MED12L: variants seen among roughly 807,000 people sequenced by gnomAD.
MED12L encodes mediator complex subunit 12L, also known as mediator of RNA polymerase II transcription subunit 12-like protein.
Under a neutral mutation model 281.3 loss-of-function variants are expected in MED12L, and 60 were observed. The observed-to-expected ratio is 0.21, with a 90% confidence interval of 0.17 to 0.26. MED12L has a LOEUF of 0.26. Ranked by LOEUF, MED12L falls within the 10% of genes least tolerant of loss-of-function variation. The pLI is 1.00. For synonymous variants in MED12L, 974 were observed against 987.2 expected (o/e 0.99, Z 0.25); for missense variants, 2,146 against 2,680.9 (o/e 0.80, Z 4.41).
At chr3:151,357,162 T>G in intron 19 of MED12L, 51 bp from the exon 20 acceptor site, 1 of 1,415,648 alleles carries the variant, frequency 7.1e-7, no homozygotes, top group Non-Finnish European at 9.6e-7. Flanking sequence ...AAATGTTTTC[T>G]CTATTTGTTT....
Position 151,199,024 on chromosome 3 carries a change from C to A in MED12L, c.2250+5358C>A, listed in dbSNP as rs767820026. On this transcript the variant is annotated intron_variant, in intron 16 of 44. Transcript: ENST00000687756. ...ATCCGGGTTCTTGTATTCGGTAGAT[C>A]TTGCAGCTGTGTGTCAGCTGAAGAC... 4 of 1,614,022 alleles carry A rather than the reference C, an allele frequency of 2.5e-6. No individual in the cohort carries two copies. In the South Asian group the frequency reaches 3.3e-5, roughly 13 times the overall value.
At chr3:151,131,836 C>T (rs1715443077) in intron 5 of MED12L, among the ~76,000 whole-genome samples, 1 of 151,930 alleles carries the variant, frequency 6.6e-6, no homozygotes, top group Non-Finnish European at 1.5e-5. Context: ...ATCACTATGG[C>T]TGGTTGGACT....
At chr3:151,309,182 A>T (rs1401020680) in intron 16 of MED12L, among the ~76,000 whole-genome samples, 1 of 150,358 alleles carries the variant, frequency 6.7e-6, no homozygotes, top group African/African-American at 2.5e-5. Context: ...AGTAATTCAT[A>T]CTTCAGTGAA....
At chr3:151,424,662 G>A (rs988102800) in intron 43 of MED12L, among the ~76,000 whole-genome samples, 1 of 152,016 alleles carries the variant, frequency 6.6e-6, no homozygotes, top group Non-Finnish European at 1.5e-5. Context: ...CTCTATGCAA[G>A]TTACTAGTTA....
chr3:151,166,678 C>CT (rs796405326), intron 11 of MED12L, among the ~76,000 whole-genome samples: 4,201 of 141,974 alleles, frequency 0.03, 91 homozygotes, highest in Middle Eastern at 0.052. Flanking sequence ...GGACCTCAGT[C>CT]TTTTTTTTTT....
chr3:151,120,302 A>G (rs1275766125), intron 3 of MED12L, among the ~76,000 whole-genome samples: 1 of 152,008 alleles, frequency 6.6e-6, no homozygotes, highest in Non-Finnish European at 1.5e-5. Context: ...GGAGTACACA[A>G]CTCTATAAAC....
intron 16 of MED12L, among the ~76,000 whole-genome samples, chr3:151,256,000 T>C (rs985745997): frequency 1.3e-5 from 2 of 152,364 alleles, no homozygotes; most frequent in East Asian, 1.9e-4. Flanking sequence ...TGGTAGGGTC[T>C]CTTTTTACTA....
chr3:151,147,807 C>T (rs1210140642), intron 5 of MED12L, among the ~76,000 whole-genome samples: 1 of 152,174 alleles, frequency 6.6e-6, no homozygotes, highest in East Asian at 1.9e-4. Context: ...AATGAACATC[C>T]TGCTATGAAC....
intron 16 of MED12L, among the ~76,000 whole-genome samples, chr3:151,257,856 T>G (rs1167771743): frequency 6.6e-6 from 1 of 152,222 alleles, no homozygotes; most frequent in Non-Finnish European, 1.5e-5. Context: ...CAAATTTTTA[T>G]ATTCCAAGTT....
At chr3:151,325,921 T>G (rs1345559141) in intron 16 of MED12L, among the ~76,000 whole-genome samples, 2 of 152,220 alleles carry the variant, frequency 1.3e-5, no homozygotes, top group African/African-American at 2.4e-5. Flanking sequence ...AGAGGTAATA[T>G]GGATTTAGTG....
chr3:151,416,184 C>T (rs917124343), intron 42 of MED12L, 128 bp from the exon 43 acceptor site: 1 of 1,516,556 alleles, frequency 6.6e-7, no homozygotes, highest in African/African-American at 1.4e-5. Context: ...GGTAGAGATG[C>T]AGCAGGCAGG....
intron 16 of MED12L, chr3:151,294,414 T>C (rs1455779091): frequency 6.2e-7 from 1 of 1,613,970 alleles, no homozygotes; most frequent in Admixed American, 1.7e-5. Flanking sequence ...TCTAAGTGAC[T>C]AAAAGTAAAA....
At chr3:151,390,981 C>A (rs1577540850) in intron 38 of MED12L, among the ~76,000 whole-genome samples, 1 of 152,098 alleles carries the variant, frequency 6.6e-6, no homozygotes, top group Admixed American at 6.5e-5. Context: ...TTGGCCAAAT[C>A]TTAATTTCTC....
chr3:151,275,879 A>G (rs766489438), intron 16 of MED12L, among the ~76,000 whole-genome samples: 5 of 152,090 alleles, frequency 3.3e-5, no homozygotes, highest in Non-Finnish European at 7.4e-5. Context: ...GACTTTTAGG[A>G]GGCAATGCAT....
In MED12L at chr3:151,430,358, G is replaced by T; in HGVS notation, c.6468G>T (p.Arg2156=). 1 of 1,614,126 alleles carries T rather than the reference G, an allele frequency of 6.2e-7. No homozygotes were observed. Among genetic ancestry groups the T allele is most frequent in the Non-Finnish European group, 8.5e-7 (1 of 1,179,994 alleles). Residue 2156 remains arginine (R), a synonymous_variant, in exon 44 of 45, where the codon CGG becomes CGT. Transcript: ENST00000687756. ...AGCAGCAGACGGCCGCCTTGGTGCGGCAGCTCCAGAAGCAGCTTTCCAGTA... is the reference window on the plus strand; with the variant it reads ...AGCAGCAGACGGCCGCCTTGGTGCGTCAGCTCCAGAAGCAGCTTTCCAGTA... ...QQQQQTAALV[R]QLQKQLSSNQ...
chr3:151,168,090 G>T (rs9836053), intron 11 of MED12L, among the ~76,000 whole-genome samples: 15,271 of 151,854 alleles, frequency 0.1, 982 homozygotes, highest in Middle Eastern at 0.17. Flanking sequence ...GCACTCTCAA[G>T]AAAAAAATAG....
intron 16 of MED12L, among the ~76,000 whole-genome samples, chr3:151,322,922 C>G (rs1300942720): frequency 1.3e-5 from 2 of 148,156 alleles, no homozygotes; most frequent in South Asian, 2.1e-4. Context: ...ATTTTTGGAG[C>G]CTGGGTCCAT....
chr3:151,386,154 C>T (rs1484265928), intron 36 of MED12L, among the ~76,000 whole-genome samples: 1 of 152,056 alleles, frequency 6.6e-6, no homozygotes, highest in Non-Finnish European at 1.5e-5. Flanking sequence ...ATCAGATTTA[C>T]CAGGGAATTT....
At chr3:151,354,605 G>A (rs1237532757) in intron 17 of MED12L, among the ~76,000 whole-genome samples, 2 of 152,116 alleles carry the variant, frequency 1.3e-5, no homozygotes, top group Non-Finnish European at 2.9e-5. Context: ...TTTAAAAGTT[G>A]TTTAGTGAGA....
Sources: allele counts gnomAD v4.1 joint callset (sites outside exome capture counted in the v4.1 genomes callset), GRCh38; gene constraint gnomAD v4.1.1; transcripts MANE v1.5; gene names NCBI Gene and HGNC (gene_info 2026-07-23, HGNC 2026-07-21).